Variants in MAGT1 observed in about 807,000 individuals in gnomAD.
MAGT1 encodes magnesium transporter 1, also known as dolichyl-diphosphooligosaccharide--protein glycosyltransferase subunit MAGT1.
In MAGT1, 4 loss-of-function variants were observed where a neutral mutation model predicts 28.4. The ratio of observed to expected loss-of-function variants is 0.14; its 90% CI spans 0.07 to 0.32. The LOEUF is 0.32. Among genes scored for constraint, MAGT1 ranks in the 10% least tolerant of loss-of-function variants. The pLI, the probability that MAGT1 is intolerant of heterozygous loss-of-function variation, is 1.00. For synonymous variants in MAGT1, 89 were observed against 89.7 expected, an observed-to-expected ratio of 0.99 and a Z score of 0.04; for missense variants, 193 against 264.5, an observed-to-expected ratio of 0.73 and a Z score of 1.88.
intron 7 of MAGT1, among the ~76,000 whole-genome samples, chrX:77,842,428 T>G (rs2076937638): frequency 1.8e-5 from 2 of 111,623 alleles, no homozygotes; most frequent in African/African-American, 6.5e-5. Context: ...TAATACTTTA[T>G]TTTTTAAATT....
At chrX:77,834,892 T>C (rs2076911877) in intron 8 of MAGT1, among the ~76,000 whole-genome samples, 1 of 108,610 alleles carries the variant, frequency 9.2e-6, no homozygotes, top group South Asian at 4.0e-4. Context: ...ATAACCAGAA[T>C]ATAAAAGGAG....
intron 1 of MAGT1, among the ~76,000 whole-genome samples, chrX:77,882,026 A>C (rs1338132570): frequency 8.9e-6 from 1 of 112,296 alleles, no homozygotes; most frequent in Non-Finnish European, 1.9e-5. Flanking sequence ...CCAGCATATA[A>C]ACAGAACCAA....
chrX:77,893,712 CAG>C (rs1373452563), intron 1 of MAGT1, among the ~76,000 whole-genome samples: 3 of 111,809 alleles, frequency 2.7e-5, no homozygotes, highest in Non-Finnish European at 5.6e-5. Context: ...CCTGTCAACA[CAG>C]AGAGACTCCG....
chrX:77,838,209 T>A (rs1270241597), intron 8 of MAGT1, among the ~76,000 whole-genome samples: 5 of 111,165 alleles, frequency 4.5e-5, no homozygotes, highest in African/African-American at 1.6e-4. Flanking sequence ...ATCTTAGCAC[T>A]TTGGGAGGCC....
chrX:77,839,261 G>A (rs782352211), intron 8 of MAGT1, among the ~76,000 whole-genome samples: 25 of 105,017 alleles, frequency 2.4e-4, no homozygotes, highest in African/African-American at 8.6e-4. Context: ...CTGAGATCGC[G>A]CCACCGCACT....
Position 77,870,898 on chromosome X carries a change from C to T in MAGT1, c.300G>A (p.Leu100=), listed in dbSNP as rs1557217282. The T allele has an allele frequency of 2.5e-6, 3 of 1,208,305 alleles. No individual in the cohort carries two copies. Among genetic ancestry groups the T allele is most frequent in the Non-Finnish European group, 3.4e-6 (3 of 892,389 alleles). ...CACTGGAGTATCGCCAGGAGTTTGC[C>T]AGGATCTGGAATTCTTCATCAGCTT... The part of the protein sequence containing the change: ...CKQADEEFQI[L]ANSWRYSSAF... The change falls in exon 3 of 10, where the codon CTG becomes CTA. Residue 100 remains leucine (L), a synonymous_variant. Coordinates refer to ENST00000618282, the MANE Select transcript of MAGT1 (RefSeq NM_001367916.1).
intron 1 of MAGT1, among the ~76,000 whole-genome samples, chrX:77,876,195 G>A (rs1436116805): frequency 9.2e-5 from 6 of 64,877 alleles, no homozygotes; most frequent in Non-Finnish European, 1.7e-4. Context: ...TTGTAGAGAC[G>A]GGGGTTTTAC....
chrX:77,892,414 T>A (rs1557219558), intron 1 of MAGT1, among the ~76,000 whole-genome samples: 1 of 111,858 alleles, frequency 8.9e-6, no homozygotes, highest in Non-Finnish European at 1.9e-5. Flanking sequence ...AAAAACTAAA[T>A]CATCTTTAGC....
In MAGT1 at chrX:77,872,934, G is replaced by A. The variant is rs782275100; in HGVS notation, c.273-2009C>T. ...TTTAATTTTTATTTGTTGAATGAGT[G>A]TAGAAAAATTTGAGTTAATATTAAA... On this transcript the variant is annotated intron_variant, in intron 2 of 9. Transcript: ENST00000618282. Among the ~76,000 whole-genome samples the A allele has an allele frequency of 9.3e-4, 104 of 111,972 alleles. 1 individual carries two copies. The highest frequency in any genetic ancestry group is 3.3e-3 in the African/African-American group (103 of 30,959).
intron 1 of MAGT1, among the ~76,000 whole-genome samples, chrX:77,888,676 C>A (rs972389515): frequency 9.0e-6 from 1 of 111,387 alleles, no homozygotes; most frequent in Non-Finnish European, 1.9e-5. Flanking sequence ...AAGCTAAAAT[C>A]TGATCCTGCC....
intron 2 of MAGT1, 31 bp from the exon 3 acceptor site, chrX:77,870,956 T>C: frequency 9.6e-7 from 1 of 1,045,079 alleles, no homozygotes; most frequent in Non-Finnish European, 1.3e-6. Context: ...AAAGATAACA[T>C]ATAAAACAAT....
intron 3 of MAGT1, among the ~76,000 whole-genome samples, chrX:77,869,358 T>C (rs2077014965): frequency 9.0e-6 from 1 of 111,653 alleles, no homozygotes; most frequent in African/African-American, 3.3e-5. Context: ...AATTCATGGC[T>C]AAGACCCCAA....
rs1398672498 is a variant in MAGT1 at position 77,826,642 on chromosome X, G to T, written c.*2578C>A. The T allele has an allele frequency of 3.6e-5, 4 of 112,517 alleles. No homozygotes were observed. Among genetic ancestry groups the T allele is most frequent in the African/African-American group, 1.3e-4 (4 of 30,988 alleles). 9.3% of individuals were successfully genotyped at this position (112,517 alleles called of 1,213,427 possible). A position where few individuals can be genotyped will look rare whatever the true frequency, so the allele number is the denominator to read the frequency against. On this transcript the variant is annotated 3_prime_UTR_variant, in exon 10 of 10. Transcript: ENST00000618282. ...TGCCTTTCTCCTTACAGAAGAATGTGCTCTTAAAGGGAGAAAAAGCAAATA... is the reference window on the plus strand; with the variant it reads ...TGCCTTTCTCCTTACAGAAGAATGTTCTCTTAAAGGGAGAAAAAGCAAATA...
chrX:77,873,647 G>A (rs1557217494), intron 2 of MAGT1, among the ~76,000 whole-genome samples: 3 of 111,071 alleles, frequency 2.7e-5, no homozygotes, highest in Non-Finnish European at 3.8e-5. Context: ...CCATCTCCAA[G>A]GTTTACAATC....
chrX:77,892,497 C>T (rs1557219568), intron 1 of MAGT1, among the ~76,000 whole-genome samples: 2 of 111,620 alleles, frequency 1.8e-5, no homozygotes. Context: ...AAACCTACAA[C>T]TGAAAGAACA....
At chrX:77,886,122 T>G (rs2077067485) in intron 1 of MAGT1, among the ~76,000 whole-genome samples, 1 of 111,815 alleles carries the variant, frequency 8.9e-6, no homozygotes, top group South Asian at 3.7e-4. Flanking sequence ...TATGCCTAGC[T>G]CAAGAACAAC....
chrX:77,858,411 G>A (rs1451146399), intron 3 of MAGT1, among the ~76,000 whole-genome samples: 1 of 110,764 alleles, frequency 9.0e-6, no homozygotes, highest in African/African-American at 3.3e-5. Context: ...GGCTGGTCTT[G>A]AACTCCTGAC....
chrX:77,849,184 C>G (rs1222299659), intron 7 of MAGT1, among the ~76,000 whole-genome samples: 1 of 109,055 alleles, frequency 9.2e-6, no homozygotes, highest in East Asian at 2.9e-4. Flanking sequence ...TCAAGCCACC[C>G]TCCTGCCTCA....
intron 7 of MAGT1, among the ~76,000 whole-genome samples, chrX:77,848,739 T>C (rs782344414): frequency 9.0e-6 from 1 of 111,398 alleles, no homozygotes; most frequent in Non-Finnish European, 1.9e-5. Context: ...TAGGTGAACA[T>C]TTTCCAGACT....
Sources: gnomAD v4.1 joint callset for allele counts (sites outside exome capture counted in the v4.1 genomes callset) on GRCh38, gnomAD v4.1.1 for gene constraint, MANE v1.5 for transcripts, NCBI Gene and HGNC (gene_info 2026-07-23, HGNC 2026-07-21) for gene names.